The following BAIAP2 variants were observed in gnomAD, a reference collection of about 807,000 sequenced individuals.
BAIAP2 encodes BAR/IMD domain-containing adapter protein 2.
A neutral mutation model predicts 63.0 loss-of-function variants in BAIAP2; 18 were observed. The ratio of observed to expected loss-of-function variants is 0.29; its 90% CI spans 0.20 to 0.42. The LOEUF (loss-of-function observed/expected upper bound fraction) is 0.42, where lower values mean the gene tolerates loss of function less well. Ranked by LOEUF, BAIAP2 falls within the 10% of genes least tolerant of loss-of-function variation. The probability of loss-of-function intolerance (pLI) is 1.00; values close to 1 mark genes in which losing one functional copy is unlikely to be tolerated. For missense variants in BAIAP2, 610 were observed against 734.3 expected (o/e 0.83, Z 1.96); for synonymous variants, 386 against 307.6 (o/e 1.25, Z -2.67).
At chr17:81,079,495 T>G (rs756108163) in intron 3 of BAIAP2, among the ~76,000 whole-genome samples, 2 of 151,992 alleles carry the variant, frequency 1.3e-5, no homozygotes, top group Non-Finnish European at 2.9e-5. Flanking sequence ...CACCCATGTG[T>G]GCCCCCTTTC....
intron 1 of BAIAP2, chr17:81,036,948 A>G: frequency 6.5e-7 from 1 of 1,535,844 alleles, no homozygotes. Context: ...TTTCGTGGTG[A>G]GAGTTGGCAG....
At chr17:81,080,957 A>G (rs1342322536) in intron 3 of BAIAP2, among the ~76,000 whole-genome samples, 3 of 152,160 alleles carry the variant, frequency 2.0e-5, no homozygotes, top group Non-Finnish European at 4.4e-5. Flanking sequence ...CCACGCCAGG[A>G]TAGGGGGCCG....
rs1470347511 is a variant in BAIAP2 at position 81,102,497 on chromosome 17, G to C, written c.643-1005G>C. On this transcript the variant is annotated intron_variant, in intron 7 of 13. Coordinates refer to ENST00000428708, the MANE Select transcript of BAIAP2 (RefSeq NM_001144888.2). ...CTCCAGCTCTGTTACTGCAATGTGA[G>C]GGCAGCCATGAATGAATGATTCACA... 1.5e-4 allele frequency among the ~76,000 whole-genome samples: 23 copies of C among 152,240 alleles called. 1 individual carries two copies. Among genetic ancestry groups the C allele is most frequent in the Admixed American group, 1.5e-3 (23 of 15,288 alleles).
chr17:81,038,382 C>G (rs2046592637), intron 1 of BAIAP2, among the ~76,000 whole-genome samples: 1 of 152,218 alleles, frequency 6.6e-6, no homozygotes, highest in Admixed American at 6.5e-5. Flanking sequence ...GACCCATGAC[C>G]TGGAGTGTGG....
rs557779548 is a variant in BAIAP2 at position 81,084,710 on chromosome 17, C to T, written c.218-122C>T. The stretch of plus-strand genomic sequence containing the variant: ...GCCCTCCCTTCTGGCCCTGACACCC[C>T]GGGGGCCCTGCTGCCTGTGGTCACA... On this transcript the variant is annotated intron_variant, in intron 3 of 13. Transcript: ENST00000428708. 3.1e-4 allele frequency: 283 copies of T among 901,802 alleles called. 1 individual carries two copies. Among genetic ancestry groups the T allele is most frequent in the South Asian group, 2.8e-3 (207 of 74,404 alleles). The allele number at this position is 901,802 out of a possible 1,614,324, so 55.9% of individuals were successfully genotyped here.
chr17:81,089,942 T>A (rs2145457784), intron 6 of BAIAP2, among the ~76,000 whole-genome samples: 1 of 152,210 alleles, frequency 6.6e-6, no homozygotes, highest in African/African-American at 2.4e-5. Context: ...CCTCATCTTC[T>A]CGGCCTCCCA....
chr17:81,098,409 C>T (rs1439483698), intron 6 of BAIAP2, among the ~76,000 whole-genome samples: 1 of 143,620 alleles, frequency 7.0e-6, no homozygotes, highest in African/African-American at 2.7e-5. Flanking sequence ...GCTTGCACTA[C>T]TTCTTTTAAA....
intron 3 of BAIAP2, among the ~76,000 whole-genome samples, chr17:81,079,751 C>T (rs116858312): frequency 0.025 from 3,836 of 152,306 alleles, 70 homozygotes; most frequent in Non-Finnish European, 0.039. Context: ...TGCCCTGGCC[C>T]GCTGGCACTC....
At chr17:81,043,520 G>A (rs1282520599) in intron 1 of BAIAP2, among the ~76,000 whole-genome samples, 1 of 152,238 alleles carries the variant, frequency 6.6e-6, no homozygotes, top group African/African-American at 2.4e-5. Context: ...CCTGGGCGGT[G>A]TCACTGCTGT....
chr17:81,069,512 GGGACTCT>G (rs2052169067), intron 3 of BAIAP2, among the ~76,000 whole-genome samples: 2 of 152,228 alleles, frequency 1.3e-5, no homozygotes, highest in South Asian at 4.1e-4. Flanking sequence ...CTCATGCCAT[GGGACTCT>G]GGGCAGCTGG....
Position 81,103,851 on chromosome 17 carries a change from CT to C in BAIAP2, c.865-55del, listed in dbSNP as rs761516246. On this transcript the variant is annotated intron_variant, in intron 8 of 13. Transcript: ENST00000428708. The stretch of plus-strand genomic sequence containing the variant: ...AGGGGGCGGAGGGTTCTCTTTCCCC[CT>C]GGTCTTGCCCGGGGTGGGCTCCAGC... 199 of 1,605,124 alleles carry C rather than the reference CT, an allele frequency of 1.2e-4. No individual in the cohort carries two copies. In the African/African-American group the frequency reaches 2.1e-3, roughly 17 times the overall value.
chr17:81,098,988 CCCCCCAT>C (rs1237759053), intron 6 of BAIAP2, among the ~76,000 whole-genome samples: 5 of 113,754 alleles, frequency 4.4e-5, no homozygotes, highest in African/African-American at 1.2e-4. Context: ...ATCCCCCCAT[CCCCCCAT>C]CCCCCCATCC....
chr17:81,096,072 A>G (rs1035419517), intron 6 of BAIAP2, among the ~76,000 whole-genome samples: 2 of 152,068 alleles, frequency 1.3e-5, no homozygotes, highest in Non-Finnish European at 2.9e-5. Context: ...CCTGCAGCCT[A>G]GTTTACACTG....
intron 7 of BAIAP2, 100 bp downstream of exon 7, chr17:81,100,180 A>G (rs2145807507): frequency 7.1e-7 from 1 of 1,403,928 alleles, no homozygotes; most frequent in Non-Finnish European, 9.4e-7. Flanking sequence ...ACACCGGGGC[A>G]GTGTCCAGGC....
intron 3 of BAIAP2, among the ~76,000 whole-genome samples, chr17:81,078,550 C>T (rs1478499564): frequency 5.7e-5 from 7 of 123,442 alleles, no homozygotes; most frequent in South Asian, 2.8e-4. Flanking sequence ...GGGAGCCGGG[C>T]GCTGTGGGTG....
intron 1 of BAIAP2, chr17:81,036,909 C>T (rs936855016): frequency 3.3e-6 from 5 of 1,535,466 alleles, no homozygotes; most frequent in Admixed American, 2.0e-5. Context: ...ATTTTTTCTC[C>T]TTCTGCGCTG....
At chr17:81,066,217 G>A (rs865994049) in intron 3 of BAIAP2, among the ~76,000 whole-genome samples, 13 of 152,320 alleles carry the variant, frequency 8.5e-5, no homozygotes, top group South Asian at 2.1e-4. Context: ...ATCACAGGGC[G>A]TGTGTGTACC....
In BAIAP2 at chr17:81,086,423, T is replaced by A. The variant is rs1410510594; in HGVS notation, c.352-20T>A. The A allele has an allele frequency of 1.2e-6, 2 of 1,612,644 alleles. No individual in the cohort carries two copies. The highest frequency in any genetic ancestry group is 1.1e-5 in the South Asian group (1 of 91,036). ...TGGGTTCATGGGCCTTGGTTTTGTGTTTTATTGTTTGAATCTCAGGCTGCG... is the reference window on the plus strand; with the variant it reads ...TGGGTTCATGGGCCTTGGTTTTGTGATTTATTGTTTGAATCTCAGGCTGCG... On this transcript the variant is annotated intron_variant, in intron 5 of 13. Coordinates refer to ENST00000428708, the MANE Select transcript of BAIAP2 (RefSeq NM_001144888.2).
In BAIAP2 at chr17:81,057,978, C is replaced by G. The variant is rs772261493; in HGVS notation, c.217+11C>G. 41 of 762,746 alleles carry G rather than the reference C, an allele frequency of 5.4e-5. No individual in the cohort carries two copies. Among genetic ancestry groups the G allele is most frequent in the South Asian group, 1.9e-4 (8 of 41,366 alleles). The allele number at this position is 762,746 out of a possible 1,614,324, so 47.2% of individuals were successfully genotyped here. A position where few individuals can be genotyped will look rare whatever the true frequency, so the allele number is the denominator to read the frequency against. ...GCTCCAAAGAACTCGGTGAGACCCC[C>G]CCCCCCCCCCCGCCTGGTAGTCGCC... On this transcript the variant is annotated intron_variant, in intron 3 of 13. Transcript: ENST00000428708.
Sources: allele counts gnomAD v4.1 joint callset (sites outside exome capture counted in the v4.1 genomes callset), GRCh38; gene constraint gnomAD v4.1.1; transcripts MANE v1.5; gene names NCBI Gene and HGNC (gene_info 2026-07-23, HGNC 2026-07-21).